Variants in OTUD7A observed in about 807,000 individuals in gnomAD.
The protein encoded by OTUD7A is OTU deubiquitinase 7A, also known as OTU domain-containing protein 7A.
A neutral mutation model predicts 65.7 loss-of-function variants in OTUD7A; 12 were observed. The ratio of observed to expected loss-of-function variants is 0.18; its 90% confidence interval spans 0.12 to 0.30. The LOEUF is 0.30. Ranked by LOEUF, OTUD7A falls within the 10% of genes least tolerant of loss-of-function variation. The pLI, the probability that OTUD7A is intolerant of heterozygous loss-of-function variation, is 1.00. For synonymous variants in OTUD7A, 641 were observed against 586.3 expected (o/e 1.09, Z -1.35); for missense variants, 1,148 against 1,304.8 (o/e 0.88, Z 1.85).
intron 8 of OTUD7A, among the ~76,000 whole-genome samples, chr15:31,523,393 T>A (rs1010783996): frequency 6.6e-6 from 1 of 152,178 alleles, no homozygotes; most frequent in Non-Finnish European, 1.5e-5. Flanking sequence ...GAAGTGCTTT[T>A]TTTGGGTCTT....
At chr15:31,702,739 T>C (rs937781388) in intron 1 of OTUD7A, among the ~76,000 whole-genome samples, 55 of 151,810 alleles carry the variant, frequency 3.6e-4, no homozygotes, top group Middle Eastern at 3.4e-3. Flanking sequence ...TTAATAGATA[T>C]GGACAAAGTT....
chr15:31,591,880 C>T (rs1889735572), intron 3 of OTUD7A, among the ~76,000 whole-genome samples: 1 of 152,224 alleles, frequency 6.6e-6, no homozygotes, highest in African/African-American at 2.4e-5. Context: ...CTACTACACA[C>T]CTAGGCTCTG....
chr15:31,488,151 TGGAAGGGTAAA>T (rs2041266955), intron 10 of OTUD7A, among the ~76,000 whole-genome samples: 1 of 152,010 alleles, frequency 6.6e-6, no homozygotes, highest in South Asian at 2.1e-4. Context: ...TGATGAGCCC[TGGAAGGGTAAA>T]CACCAGGCAG....
chr15:31,542,824 CAA>C (rs538820671), intron 5 of OTUD7A, among the ~76,000 whole-genome samples: 5 of 132,422 alleles, frequency 3.8e-5, no homozygotes, highest in African/African-American at 1.3e-4. Context: ...AAGAAGAAGC[CAA>C]AAAAAAAAAA....
chr15:31,621,845 A>G (rs1217173750), intron 3 of OTUD7A, among the ~76,000 whole-genome samples: 1 of 151,690 alleles, frequency 6.6e-6, no homozygotes, highest in Non-Finnish European at 1.5e-5. Context: ...TAGTTGATGC[A>G]GTTTCTTCCT....
intron 3 of OTUD7A, among the ~76,000 whole-genome samples, chr15:31,614,641 T>A (rs575444921): frequency 4.1e-4 from 62 of 152,142 alleles, no homozygotes; most frequent in Admixed American, 1.6e-3. Context: ...TAAAAAAAAA[T>A]TTCAGACACT....
intron 10 of OTUD7A, among the ~76,000 whole-genome samples, chr15:31,497,483 C>A (rs1595557860): frequency 6.6e-6 from 1 of 152,136 alleles, no homozygotes; most frequent in East Asian, 1.9e-4. Flanking sequence ...CTCCTGAGCT[C>A]AGGCAACCCA....
Position 31,796,760 on chromosome 15 carries a change from A to C in OTUD7A, c.-100+73747T>G, listed in dbSNP as rs1380397584. On this transcript the variant is annotated intron_variant, in intron 1 of 12. Coordinates refer to ENST00000307050, the MANE Select transcript of OTUD7A (RefSeq NM_001382637.1). The stretch of plus-strand genomic sequence containing the variant: ...AACATTCCTCTTTTCTTTGAGACAG[A>C]GTCTTGCTCTGTTGCCCAGTCTGGA... 2.0e-5 allele frequency among the ~76,000 whole-genome samples: 3 copies of C among 152,198 alleles called. No homozygotes were observed. The South Asian group carries it at 6.2e-4, about 32-fold the overall frequency.
At chr15:31,850,966 C>T (rs535180192) in intron 1 of OTUD7A, among the ~76,000 whole-genome samples, 5 of 152,252 alleles carry the variant, frequency 3.3e-5, no homozygotes, top group African/African-American at 4.8e-5. Context: ...GACAACAGCT[C>T]CCACCCCACC....
At chr15:31,770,624 A>C (rs1480547100) in intron 1 of OTUD7A, among the ~76,000 whole-genome samples, 5 of 152,228 alleles carry the variant, frequency 3.3e-5, no homozygotes, top group Non-Finnish European at 7.3e-5. Context: ...ACTATAGGCC[A>C]ATATCCTTCA....
intron 1 of OTUD7A, among the ~76,000 whole-genome samples, chr15:31,762,374 G>T (rs138077450): frequency 6.6e-6 from 1 of 152,152 alleles, no homozygotes; most frequent in South Asian, 2.1e-4. Context: ...CACAGATAAA[G>T]TCATAAAGTA....
At chr15:31,751,432 C>G (rs1025584333) in intron 1 of OTUD7A, among the ~76,000 whole-genome samples, 1 of 151,724 alleles carries the variant, frequency 6.6e-6, no homozygotes, top group Non-Finnish European at 1.5e-5. Context: ...AGTGAGGCTA[C>G]AGAGAAAAGG....
At chr15:31,568,317 G>A (rs188015015) in intron 4 of OTUD7A, among the ~76,000 whole-genome samples, 106 of 152,370 alleles carry the variant, frequency 7.0e-4, no homozygotes, top group African/African-American at 2.4e-3. Flanking sequence ...GGAACTTTAA[G>A]GTTTAATGAT....
chr15:31,677,610 T>C lies in OTUD7A; in HGVS notation c.-99-20533A>G, dbSNP rs372384459. On this transcript the variant is annotated intron_variant, in intron 1 of 12. Transcript: ENST00000307050. ...GCCTGGCATTTCCCCTGCTTGTATT[T>C]CTCCTTCCCGCTGTCCTGTAAAGAA... Among the ~76,000 whole-genome samples the C allele has an allele frequency of 2.0e-5, 3 of 152,174 alleles. No homozygotes were observed. In the East Asian group the frequency reaches 5.8e-4, roughly 29 times the overall value.
intron 1 of OTUD7A, among the ~76,000 whole-genome samples, chr15:31,735,878 C>T (rs1330789198): frequency 6.6e-6 from 1 of 152,100 alleles, no homozygotes; most frequent in African/African-American, 2.4e-5. Flanking sequence ...TACTATGCAA[C>T]CATAAAAAAG....
At chr15:31,628,591 C>T (rs930053108) in intron 3 of OTUD7A, among the ~76,000 whole-genome samples, 2 of 152,158 alleles carry the variant, frequency 1.3e-5, no homozygotes, top group African/African-American at 4.8e-5. Flanking sequence ...TTTTTGGTTC[C>T]ATATCAACTT....
At chr15:31,612,863 C>T (rs889491591) in intron 3 of OTUD7A, among the ~76,000 whole-genome samples, 1 of 152,124 alleles carries the variant, frequency 6.6e-6, no homozygotes, top group African/African-American at 2.4e-5. Context: ...AAGAACAAAT[C>T]TGGAGGCATC....
At position 31,547,973 on chromosome 15, in the gene OTUD7A, G is replaced by A. The variant is rs116466950; in HGVS notation, c.550+10996C>T. 3.2e-3 allele frequency among the ~76,000 whole-genome samples: 489 copies of A among 152,292 alleles called. 1 individual carries two copies. The highest frequency in any genetic ancestry group is 0.011 in the African/African-American group (461 of 41,568). On this transcript the variant is annotated intron_variant, in intron 5 of 12. Transcript: ENST00000307050. ...ATGGTCAAAATGCTTCCTCCTTTAC[G>A]CTTTCTCAGCTGTGCTGGAACTGCC... is the stretch of plus-strand genomic sequence containing the variant.
intron 1 of OTUD7A, among the ~76,000 whole-genome samples, chr15:31,681,668 TTCTC>T (rs1459811900): frequency 1.3e-5 from 2 of 151,908 alleles, no homozygotes; most frequent in African/African-American, 2.4e-5. Flanking sequence ...ACTGTCTAAT[TTCTC>T]TCTGACAGTC....
Sources: gnomAD v4.1 joint callset for allele counts (sites outside exome capture counted in the v4.1 genomes callset) on GRCh38, gnomAD v4.1.1 for gene constraint, MANE v1.5 for transcripts, NCBI Gene and HGNC (gene_info 2026-07-23, HGNC 2026-07-21) for gene names.